SGCZ: variants seen among roughly 807,000 people sequenced by gnomAD.
The protein encoded by SGCZ is zeta-sarcoglycan.
A neutral mutation model predicts 41.3 loss-of-function variants in SGCZ; 40 were observed. The observed-to-expected ratio is 0.97, with a 90% confidence interval of 0.75 to 1.26. SGCZ has a LOEUF of 1.26. Ranked by LOEUF, SGCZ falls within the 50% of genes most tolerant of loss-of-function variation. SGCZ has a pLI of 0.00. For synonymous variants in SGCZ, 206 were observed against 137.5 expected (o/e 1.50, Z -3.49); for missense variants, 552 against 369.8 (o/e 1.49, Z -4.04).
rs1206741728 is a variant in SGCZ, at chr8:14,087,095, C to T, written c.*3348G>A. Among the ~76,000 whole-genome samples, 1 of 151,482 alleles carries T rather than the reference C, an allele frequency of 6.6e-6. No homozygotes were observed. On this transcript the variant is annotated 3_prime_UTR_variant, in exon 8 of 8. Transcript: ENST00000382080. Reference sequence around the variant, plus strand: ...ACTGTAATCTAAGATTCCTAAGTTACAGTAAAATTTGAGGTGTATAATTGT... The same window carrying T: ...ACTGTAATCTAAGATTCCTAAGTTATAGTAAAATTTGAGGTGTATAATTGT...
At chr8:14,161,533 C>T (rs1804045584) in intron 5 of SGCZ, among the ~76,000 whole-genome samples, 2 of 152,180 alleles carry the variant, frequency 1.3e-5, no homozygotes. Flanking sequence ...TACCAATATT[C>T]ACCCTATTGT....
At chr8:14,961,670 A>G (rs1192631284) in intron 1 of SGCZ, among the ~76,000 whole-genome samples, 2 of 152,196 alleles carry the variant, frequency 1.3e-5, no homozygotes, top group African/African-American at 4.8e-5. Flanking sequence ...TCAGCCATCT[A>G]CTAGTGGGTC....
intron 2 of SGCZ, among the ~76,000 whole-genome samples, chr8:14,462,087 C>T (rs1472377872): frequency 6.6e-6 from 1 of 151,882 alleles, no homozygotes; most frequent in African/African-American, 2.4e-5. Flanking sequence ...AAATATCATT[C>T]TATATTATCC....
At chr8:14,888,895 G>C (rs1298123845) in intron 1 of SGCZ, among the ~76,000 whole-genome samples, 1 of 152,024 alleles carries the variant, frequency 6.6e-6, no homozygotes, top group Non-Finnish European at 1.5e-5. Context: ...AATGATATGG[G>C]TACACTGCTA....
At chr8:15,190,646 A>T (rs1800504988) in intron 1 of SGCZ, among the ~76,000 whole-genome samples, 1 of 150,454 alleles carries the variant, frequency 6.6e-6, no homozygotes, top group African/African-American at 2.5e-5. Context: ...CAGAGCCTTC[A>T]AAGTTTTTAC....
At chr8:14,404,690 C>T (rs1799164046) in intron 2 of SGCZ, among the ~76,000 whole-genome samples, 1 of 152,182 alleles carries the variant, frequency 6.6e-6, no homozygotes, top group African/African-American at 2.4e-5. Context: ...TCCAAAGCTG[C>T]AGTTATGTCT....
intron 1 of SGCZ, among the ~76,000 whole-genome samples, chr8:14,731,081 C>T (rs1359237576): frequency 1.3e-5 from 2 of 151,776 alleles, no homozygotes; most frequent in Non-Finnish European, 2.9e-5. Flanking sequence ...AACACACATG[C>T]ACAAGTATGT....
intron 2 of SGCZ, among the ~76,000 whole-genome samples, chr8:14,421,737 T>C (rs1023970354): frequency 8.5e-5 from 13 of 152,168 alleles, no homozygotes. Context: ...AAGCGCTATC[T>C]TGTCTATCTT....
intron 1 of SGCZ, among the ~76,000 whole-genome samples, chr8:14,975,466 T>C (rs373572636): frequency 6.6e-6 from 1 of 152,152 alleles, no homozygotes; most frequent in Non-Finnish European, 1.5e-5. Context: ...GAAAGATATG[T>C]AGGCTTCCAT....
At chr8:14,942,191 C>A (rs1467742962) in intron 1 of SGCZ, among the ~76,000 whole-genome samples, 1 of 151,948 alleles carries the variant, frequency 6.6e-6, no homozygotes, top group Non-Finnish European at 1.5e-5. Flanking sequence ...TAACTCAGTC[C>A]CCGTACAGAA....
intron 3 of SGCZ, among the ~76,000 whole-genome samples, chr8:14,274,568 A>G (rs1374409727): frequency 6.6e-6 from 1 of 152,186 alleles, no homozygotes; most frequent in Non-Finnish European, 1.5e-5. Flanking sequence ...GTCTTCACTT[A>G]GTTTCCTAAC....
At chr8:14,433,313 TTAAG>T (rs1360635389) in intron 2 of SGCZ, among the ~76,000 whole-genome samples, 8 of 152,194 alleles carry the variant, frequency 5.3e-5, no homozygotes, top group Non-Finnish European at 1.0e-4. Flanking sequence ...CCTGTAGTGA[TTAAG>T]TGTCCACTCT....
chr8:15,009,676 C>T lies in SGCZ; in HGVS notation c.39+227909G>A, dbSNP rs536517035. On this transcript the variant is annotated intron_variant, in intron 1 of 7. Transcript: ENST00000382080. ...TAAGTCCTAAGAAAGTTCTGGTTCT[C>T]GGAAGATAACTCTCAGGCTCCTGAA... is the stretch of plus-strand genomic sequence containing the variant. Among the ~76,000 whole-genome samples the T allele has an allele frequency of 6.6e-5, 10 of 152,228 alleles. No individual in the cohort carries two copies. The South Asian group carries it at 1.0e-3, about 16-fold the overall frequency.
At chr8:14,854,670 G>T (rs1373157625) in intron 1 of SGCZ, among the ~76,000 whole-genome samples, 2 of 152,178 alleles carry the variant, frequency 1.3e-5, no homozygotes, top group Non-Finnish European at 1.5e-5. Context: ...GTAGAGAGAA[G>T]AAGGATTTAC....
intron 1 of SGCZ, among the ~76,000 whole-genome samples, chr8:15,228,778 A>G (rs1361990395): frequency 6.6e-6 from 1 of 152,208 alleles, no homozygotes; most frequent in African/African-American, 2.4e-5. Flanking sequence ...AGTGGGTTTC[A>G]TTTTGTGGCA....
At chr8:14,138,851 T>C (rs1803281679) in intron 5 of SGCZ, among the ~76,000 whole-genome samples, 1 of 152,126 alleles carries the variant, frequency 6.6e-6, no homozygotes, top group Non-Finnish European at 1.5e-5. Context: ...CTAATAGACA[T>C]CTACAGAACT....
intron 1 of SGCZ, among the ~76,000 whole-genome samples, chr8:15,224,197 A>C (rs1025933430): frequency 2.0e-5 from 3 of 152,174 alleles, no homozygotes; most frequent in African/African-American, 7.2e-5. Flanking sequence ...TTCTTACATA[A>C]ACTCTATTTA....
intron 1 of SGCZ, among the ~76,000 whole-genome samples, chr8:15,063,102 G>C (rs537422910): frequency 6.6e-6 from 1 of 151,768 alleles, no homozygotes; most frequent in South Asian, 2.1e-4. Context: ...TAAATCAAAA[G>C]TAAACTTTTT....
intron 2 of SGCZ, among the ~76,000 whole-genome samples, chr8:14,501,922 T>C (rs910154515): frequency 5.3e-5 from 8 of 152,146 alleles, no homozygotes; most frequent in Non-Finnish European, 4.4e-5. Flanking sequence ...TCACTTTATA[T>C]GTTGAATAAA....
Sources: allele counts gnomAD v4.1 joint callset (sites outside exome capture counted in the v4.1 genomes callset), GRCh38; gene constraint gnomAD v4.1.1; transcripts MANE v1.5; gene names NCBI Gene and HGNC (gene_info 2026-07-23, HGNC 2026-07-21).